Variants in CACNA1C observed in about 807,000 individuals in gnomAD.
CACNA1C encodes calcium voltage-gated channel subunit alpha1 C.
In CACNA1C, 30 loss-of-function variants were observed where a neutral mutation model predicts 229.0. That is an observed-to-expected ratio of 0.13 (90% CI 0.10 to 0.18). CACNA1C has a LOEUF of 0.18. Among genes scored for constraint, CACNA1C ranks in the 10% least tolerant of loss-of-function variants. The pLI is 1.00. For synonymous variants in CACNA1C, 1,114 were observed against 1,132.5 expected (o/e 0.98, Z 0.33); for missense variants, 1,658 against 2,845.0 (o/e 0.58, Z 9.49).
At chr12:2,377,398 C>T (rs1472865618) in intron 3 of CACNA1C, among the ~76,000 whole-genome samples, 1 of 152,200 alleles carries the variant, frequency 6.6e-6, no homozygotes, top group Admixed American at 6.5e-5. Context: ...ATGCACCCAG[C>T]TGCAACAGCG....
At chr12:2,009,019 AG>A (rs2043949889) in intron 1 of CACNA1C, among the ~76,000 whole-genome samples, 2 of 152,228 alleles carry the variant, frequency 1.3e-5, no homozygotes, top group Non-Finnish European at 2.9e-5. Flanking sequence ...CATTTCGAAT[AG>A]GCAAATTCTT....
At chr12:2,191,843 CAT>C (rs2097233545) in intron 3 of CACNA1C, among the ~76,000 whole-genome samples, 3 of 73,050 alleles carry the variant, frequency 4.1e-5, no homozygotes, top group South Asian at 5.1e-4. Context: ...CAGGCACACA[CAT>C]GCACTCACAC....
chr12:2,654,645 C>T lies in CACNA1C; in HGVS notation c.4141-502C>T, dbSNP rs2095313846. 6.6e-6 allele frequency among the ~76,000 whole-genome samples: 1 copy of T among 152,190 alleles called. No individual in the cohort carries two copies. The highest frequency in any genetic ancestry group is 1.5e-5 in the Non-Finnish European group (1 of 68,032). ...TGAGACTAAAAGAGCTACCTTGATA[C>T]CTGATAAAGGTGGCAGTTTCTAAGA... is the stretch of plus-strand genomic sequence containing the variant. On this transcript the variant is annotated intron_variant, in intron 33 of 46. Coordinates refer to ENST00000399655, the MANE Select transcript of CACNA1C (RefSeq NM_000719.7). The surrounding 1 kb of genome is among the most constrained non-coding windows in gnomAD (Gnocchi z 4.4).
intron 3 of CACNA1C, among the ~76,000 whole-genome samples, chr12:2,249,672 G>C (rs2074793161): frequency 1.3e-5 from 2 of 152,148 alleles, no homozygotes; most frequent in Non-Finnish European, 2.9e-5. Context: ...GGATTCAGGG[G>C]ACTCACGTGA....
In CACNA1C at chr12:2,053,659, C is replaced by T. The variant is rs377384951; in HGVS notation, c.49+48C>T. 9.2e-6 allele frequency: 13 copies of T among 1,409,058 alleles called. No homozygotes were observed. The East Asian group carries it at 3.8e-4, about 41-fold the overall frequency. 87.3% of individuals were successfully genotyped at this position (1,409,058 alleles called of 1,614,324 possible). A position where few individuals can be genotyped will look rare whatever the true frequency, so the allele number is the denominator to read the frequency against. On this transcript the variant is annotated intron_variant, in intron 1 of 46. Coordinates refer to ENST00000399655, the MANE Select transcript of CACNA1C (RefSeq NM_000719.7). The surrounding 1 kb of genome is among the most constrained non-coding windows in gnomAD (Gnocchi z 5.8). ...CGCCGGGGCTCCCTGCCTTTTCCACCGGGTTCCTGCCCTACCCGCGCTCCC... is the reference window on the plus strand; with the variant it reads ...CGCCGGGGCTCCCTGCCTTTTCCACTGGGTTCCTGCCCTACCCGCGCTCCC...
intron 3 of CACNA1C, among the ~76,000 whole-genome samples, chr12:2,362,186 C>T (rs373272195): frequency 3.9e-4 from 59 of 152,290 alleles, no homozygotes; most frequent in Admixed American, 1.4e-3. Flanking sequence ...CAGAGGCATA[C>T]GGTGTAGCCC....
rs575595383 is a variant in CACNA1C, at chr12:1,992,778, G to A, written c.139+21577G>A. On this transcript the variant is annotated intron_variant, in intron 1 of 46. Transcript: ENST00000682462. Reference sequence around the variant, plus strand: ...TCTTAATGACTGAAAGAAACTTTTTGGACTTTGATTTTTTATTTACTTGTA... The same window carrying A: ...TCTTAATGACTGAAAGAAACTTTTTAGACTTTGATTTTTTATTTACTTGTA... 2 of 205,962 alleles carry A rather than the reference G, an allele frequency of 9.7e-6. 1 individual carries two copies. The highest frequency in any genetic ancestry group is 2.6e-4 in the South Asian group (2 of 7,812). 12.8% of individuals were successfully genotyped at this position (205,962 alleles called of 1,614,324 possible). A position where few individuals can be genotyped will look rare whatever the true frequency, so the allele number is the denominator to read the frequency against.
At chr12:2,517,998 A>G (rs972626878) in intron 9 of CACNA1C, among the ~76,000 whole-genome samples, 2 of 152,220 alleles carry the variant, frequency 1.3e-5, no homozygotes, top group Admixed American at 1.3e-4. Flanking sequence ...GAGCACGTAA[A>G]CAGACAGACA....
chr12:2,552,773 G>A (rs929084316), intron 10 of CACNA1C, among the ~76,000 whole-genome samples: 2 of 152,198 alleles, frequency 1.3e-5, no homozygotes, highest in Non-Finnish European at 2.9e-5. Flanking sequence ...CTCAGTGAGG[G>A]AGATGGGGTG....
intron 1 of CACNA1C, among the ~76,000 whole-genome samples, chr12:2,088,929 A>G (rs2068877410): frequency 6.6e-6 from 1 of 152,224 alleles, no homozygotes; most frequent in Middle Eastern, 3.4e-3. Flanking sequence ...CTTGCCGTTG[A>G]TATTCTTAAA....
chr12:2,168,754 G>A (rs1566105735), intron 3 of CACNA1C, among the ~76,000 whole-genome samples: 1 of 152,132 alleles, frequency 6.6e-6, no homozygotes. Context: ...CCCAATGCTA[G>A]GGATTCATTG....
At chr12:2,163,435 G>T (rs180754223) in intron 3 of CACNA1C, among the ~76,000 whole-genome samples, 1 of 151,872 alleles carries the variant, frequency 6.6e-6, no homozygotes, top group Non-Finnish European at 1.5e-5. Context: ...CACACCCAGC[G>T]CTCCTTTTTT....
rs778991232 is a variant in CACNA1C at position 2,608,517 on chromosome 12, G to A, written c.3363G>A (p.Leu1121=). 77 of 1,608,722 alleles carry A rather than the reference G, an allele frequency of 4.8e-5. 1 individual carries two copies. The South Asian group carries it at 7.8e-4, about 16-fold the overall frequency. The part of the protein sequence containing the change: ...VSTFEGWPEL[L]YRSIDSHTED... ...GACCTGTCTCCTCCTGCAGGCTGCT[G>A]TACCGCTCCATCGACTCCCACACGG... Residue 1121 remains leucine, a synonymous_variant, in exon 27 of 47, where the codon CTG becomes CTA. Transcript: ENST00000399655. The surrounding 1 kb of genome is among the most constrained non-coding windows in gnomAD (Gnocchi z 4.2).
rs1565403358 is a variant in CACNA1C at position 2,054,680 on chromosome 12, C to T, written c.49+1069C>T. On this transcript the variant is annotated intron_variant, in intron 1 of 46. Transcript: ENST00000399655. This position sits in a 1 kb window ranked among gnomAD's most constrained non-coding sequence, Gnocchi z 5.5. ...GTCCAGCGGGGCTTTCTGGCAACCTCCAGGCATGACATCTCTTTCTTCTCG... is the reference window on the plus strand; with the variant it reads ...GTCCAGCGGGGCTTTCTGGCAACCTTCAGGCATGACATCTCTTTCTTCTCG... Among the ~76,000 whole-genome samples the T allele has an allele frequency of 1.3e-5, 2 of 152,216 alleles. No individual in the cohort carries two copies. The highest frequency in any genetic ancestry group is 2.4e-5 in the African/African-American group (1 of 41,436).
Position 2,185,260 on chromosome 12 carries a change from G to A in CACNA1C, c.477+64830G>A, listed in dbSNP as rs115901674. On this transcript the variant is annotated intron_variant, in intron 3 of 46. Coordinates refer to ENST00000399655, the MANE Select transcript of CACNA1C (RefSeq NM_000719.7). ...TGGGGAGGAGTTGTTCTGCAGGAGA[G>A]AAGGGGACAGTCCTTCCTCCAGCCT... Among the ~76,000 whole-genome samples the A allele has an allele frequency of 8.3e-3, 1,259 of 152,290 alleles. 15 individuals carry two copies. Among genetic ancestry groups the A allele is most frequent in the African/African-American group, 0.028 (1,178 of 41,548 alleles).
chr12:1,996,660 AAACT>A (rs2040987177), intron 1 of CACNA1C, among the ~76,000 whole-genome samples: 1 of 66,626 alleles, frequency 1.5e-5, no homozygotes, highest in African/African-American at 7.9e-5. Flanking sequence ...AAAAAACAAC[AAACT>A]CTTCTAATGT....
chr12:2,169,255 A>G (rs553407132), intron 3 of CACNA1C, among the ~76,000 whole-genome samples: 2 of 152,328 alleles, frequency 1.3e-5, no homozygotes, highest in Admixed American at 6.5e-5. Context: ...CTTTCTACCC[A>G]GGATTGCACG....
chr12:2,311,692 C>T (rs757611274), intron 3 of CACNA1C, among the ~76,000 whole-genome samples: 16 of 152,210 alleles, frequency 1.1e-4, no homozygotes, highest in South Asian at 2.1e-4. Context: ...CCCTTAAACA[C>T]GAATGGCCAC....
Position 2,647,300 on chromosome 12 carries a change from G to A in CACNA1C, c.3913-1175G>A, listed in dbSNP as rs888004786. ...AGTCGGGGCTGAGCCCTCTGTGCTG[G>A]AGCCCAAAACGTAAGGGCACCTTCC... On this transcript the variant is annotated intron_variant, in intron 30 of 46. Transcript: ENST00000399655. This position sits in a 1 kb window ranked among gnomAD's most constrained non-coding sequence, Gnocchi z 4.2. Among the ~76,000 whole-genome samples the A allele has an allele frequency of 6.6e-6, 1 of 152,160 alleles. No homozygotes were observed. Among genetic ancestry groups the A allele is most frequent in the Non-Finnish European group, 1.5e-5 (1 of 68,036 alleles).
Sources: gnomAD v4.1 joint callset for allele counts (sites outside exome capture counted in the v4.1 genomes callset) on GRCh38, gnomAD v4.1.1 for gene constraint, Gnocchi (gnomAD v3.1) non-coding constraint, MANE v1.5 for transcripts, NCBI Gene and HGNC (gene_info 2026-07-23, HGNC 2026-07-21) for gene names.